Variants in AMD1 observed in about 807,000 individuals in gnomAD.
The protein encoded by AMD1 is S-adenosylmethionine decarboxylase proenzyme.
Under a neutral mutation model 40.2 loss-of-function variants are expected in AMD1, and 11 were observed. That is an observed-to-expected ratio of 0.27 (90% CI 0.17 to 0.45). AMD1 has a LOEUF of 0.45. AMD1 is among the 20% of genes least tolerant of loss of function. AMD1 has a pLI of 1.00. For missense variants in AMD1, 257 were observed against 410.2 expected (o/e 0.63, Z 3.23); for synonymous variants, 121 against 130.8 (o/e 0.93, Z 0.51).
chr6:110,836,854 T>A, the AMD1 span, among the ~76,000 whole-genome samples: 20 of 152,074 alleles, frequency 1.3e-4, no homozygotes, highest in African/African-American at 4.8e-4. Context: ...TGTTGATAGA[T>A]ATGAAACAAT....
At chr6:110,887,077 C>T (rs1785734016) in intron 1 of AMD1, among the ~76,000 whole-genome samples, 3 of 152,042 alleles carry the variant, frequency 2.0e-5, no homozygotes, top group Non-Finnish European at 4.4e-5. Context: ...CACTGTGTCC[C>T]GACAGACAGG....
At chr6:110,854,105 T>G in the AMD1 span, among the ~76,000 whole-genome samples, 1 of 151,252 alleles carries the variant, frequency 6.6e-6, no homozygotes, top group Non-Finnish European at 1.5e-5. Context: ...GTGGTGGTTT[T>G]TGTTTTTCTT....
At chr6:110,846,123 C>T in the AMD1 span, among the ~76,000 whole-genome samples, 25 of 152,152 alleles carry the variant, frequency 1.6e-4, no homozygotes, top group African/African-American at 6.0e-4. Context: ...CATGTAATCC[C>T]AGCTACTTGG....
intron 1 of AMD1, among the ~76,000 whole-genome samples, chr6:110,883,057 C>T (rs752976769): frequency 6.6e-6 from 1 of 152,216 alleles, no homozygotes; most frequent in Admixed American, 6.5e-5. Flanking sequence ...CATGGGAGGC[C>T]AAGGCTGCAG....
chr6:110,852,334 G>T, the AMD1 span, among the ~76,000 whole-genome samples: 1 of 145,928 alleles, frequency 6.9e-6, no homozygotes, highest in African/African-American at 2.5e-5. Flanking sequence ...CAATTCTCCT[G>T]CCTCAGTCTC....
At chr6:110,815,856 G>A in the AMD1 span, 1 of 152,426 alleles carries the variant, frequency 6.6e-6, no homozygotes, top group Non-Finnish European at 1.5e-5. Context: ...GGCTGGTGAG[G>A]ACAGTTGTAC....
At chr6:110,827,304 G>GT in the AMD1 span, among the ~76,000 whole-genome samples, 7 of 144,220 alleles carry the variant, frequency 4.9e-5, no homozygotes, top group South Asian at 2.3e-4. Context: ...TTTTTTTTCA[G>GT]TTTTTTTTGT....
chr6:110,862,470 A>C, the AMD1 span, among the ~76,000 whole-genome samples: 1 of 119,978 alleles, frequency 8.3e-6, no homozygotes, highest in East Asian at 2.3e-4. Context: ...CTATTTACTT[A>C]TTTTTTTTTT....
chr6:110,834,548 T>C, the AMD1 span, among the ~76,000 whole-genome samples: 3 of 151,968 alleles, frequency 2.0e-5, no homozygotes, highest in Non-Finnish European at 4.4e-5. Flanking sequence ...TCTCACTGAG[T>C]GTGGGGGCTT....
chr6:110,839,060 C>T, the AMD1 span, among the ~76,000 whole-genome samples: 25 of 152,308 alleles, frequency 1.6e-4, no homozygotes, highest in South Asian at 6.2e-4. Context: ...AGCCACCGCG[C>T]CTGGCCCCTA....
chr6:110,888,113 T>A (rs1210876113), intron 2 of AMD1, among the ~76,000 whole-genome samples: 1 of 152,160 alleles, frequency 6.6e-6, no homozygotes, highest in African/African-American at 2.4e-5. Context: ...TTCCTCCCAA[T>A]TGGTAAAGAA....
chr6:110,887,486 CTT>C lies in AMD1; in HGVS notation c.111-14_111-13del. The C allele has an allele frequency of 6.3e-7, 1 of 1,580,366 alleles. No homozygotes were observed. Among genetic ancestry groups the C allele is most frequent in the Non-Finnish European group, 8.6e-7 (1 of 1,163,270 alleles). On this transcript the variant is annotated splice_polypyrimidine_tract_variant and intron_variant, in intron 1 of 8. Transcript: ENST00000368885. The stretch of plus-strand genomic sequence containing the variant: ...GGGTACTATTGTGGATTAATCGTAA[CTT>C]TTTTGTTAAATGATAGATCTGAGTG...
the AMD1 span, among the ~76,000 whole-genome samples, chr6:110,841,547 G>T: frequency 6.6e-6 from 1 of 151,692 alleles, no homozygotes; most frequent in Admixed American, 6.6e-5. Context: ...GTTCTCCATT[G>T]CCTCTACCTA....
chr6:110,839,424 C>G, the AMD1 span, among the ~76,000 whole-genome samples: 1 of 152,088 alleles, frequency 6.6e-6, no homozygotes, highest in Admixed American at 6.6e-5. Flanking sequence ...GTGCTTTTCC[C>G]CATAAACTAA....
At chr6:110,891,982 C>T in intron 4 of AMD1, 179 bp from the exon 5 acceptor site, 2 of 713,476 alleles carry the variant, frequency 2.8e-6, no homozygotes, top group Non-Finnish European at 4.7e-6. Flanking sequence ...AAGCCCACCT[C>T]TGCCTCCCTG....
chr6:110,839,794 G>A, the AMD1 span, among the ~76,000 whole-genome samples: 9 of 152,160 alleles, frequency 5.9e-5, no homozygotes, highest in South Asian at 1.9e-3. Context: ...AGGCTATTGT[G>A]AGCCACCTGA....
At chr6:110,884,556 A>G (rs922820302) in intron 1 of AMD1, among the ~76,000 whole-genome samples, 2 of 152,030 alleles carry the variant, frequency 1.3e-5, no homozygotes, top group South Asian at 2.1e-4. Flanking sequence ...ACATCAGCCT[A>G]CCGAGTAGCT....
rs74366743 is a variant in AMD1 at position 110,879,128 on chromosome 6, A to G, written c.110+3913A>G. 1.6e-3 allele frequency among the ~76,000 whole-genome samples: 250 copies of G among 152,274 alleles called. 1 individual carries two copies. The highest frequency in any genetic ancestry group is 5.8e-3 in the African/African-American group (243 of 41,562). Reference sequence around the variant, plus strand: ...CTAATCCCAGCACTCTGAGAGACCAAGGAGTTTGAGAGCCCAGTCTGGGCA... The same window carrying G: ...CTAATCCCAGCACTCTGAGAGACCAGGGAGTTTGAGAGCCCAGTCTGGGCA... On this transcript the variant is annotated intron_variant, in intron 1 of 8. Coordinates refer to ENST00000368885, the MANE Select transcript of AMD1 (RefSeq NM_001634.6).
Position 110,892,733 on chromosome 6 carries a change from A to T in AMD1, c.616-2A>T. The T allele has an allele frequency of 1.3e-6, 2 of 1,529,206 alleles. No individual in the cohort carries two copies. The highest frequency in any genetic ancestry group is 1.8e-6 in the Non-Finnish European group (2 of 1,111,774). 94.7% of individuals were successfully genotyped at this position (1,529,206 alleles called of 1,614,324 possible). A position where few individuals can be genotyped will look rare whatever the true frequency, so the allele number is the denominator to read the frequency against. On this transcript the variant is annotated splice_acceptor_variant, in intron 6 of 8. Transcript: ENST00000368885. LOFTEE classifies it high-confidence loss of function. ...TTAAACTCGGTCTTTTTCCCCCCCC[A>T]GGAGAGTGGAATTCGTGACCTGATA...
Sources: allele counts gnomAD v4.1 joint callset (sites outside exome capture counted in the v4.1 genomes callset), GRCh38; gene constraint gnomAD v4.1.1; transcripts MANE v1.5; gene names NCBI Gene and HGNC (gene_info 2026-07-23, HGNC 2026-07-21).